The following SESN3 variants were observed in gnomAD, a reference collection of about 807,000 sequenced individuals.
SESN3 encodes sestrin-3.
A neutral mutation model predicts 55.3 loss-of-function variants in SESN3; 21 were observed. The observed-to-expected ratio is 0.38, with a 90% CI of 0.27 to 0.55. The LOEUF is 0.55. SESN3 is among the 20% of genes least tolerant of loss of function. The pLI is 0.76. For missense variants in SESN3, 408 were observed against 604.3 expected (o/e 0.68, Z 3.41); for synonymous variants, 181 against 203.1 (o/e 0.89, Z 0.93).
chr11:95,208,056 C>T (rs1860583438), intron 1 of SESN3, among the ~76,000 whole-genome samples: 2 of 33,980 alleles, frequency 5.9e-5, no homozygotes, highest in Admixed American at 7.5e-4. Flanking sequence ...TATTTATTGT[C>T]AGGATTATGG....
At position 95,170,440 on chromosome 11, in the gene SESN3, C is replaced by T. The variant is rs1246419246; in HGVS notation, c.*2815G>A. The T allele has an allele frequency of 6.6e-6, 1 of 152,180 alleles. No homozygotes were observed. The highest frequency in any genetic ancestry group is 1.9e-4 in the East Asian group (1 of 5,196). The allele number at this position is 152,180 out of a possible 1,614,324, so 9.4% of individuals were successfully genotyped here. A position where few individuals can be genotyped will look rare whatever the true frequency, so the allele number is the denominator to read the frequency against. ...TTCACATGTGCTTTTCTCACGTACA[C>T]TTGCACATTTAAGTTTGGCACAATG... On this transcript the variant is annotated 3_prime_UTR_variant, in exon 10 of 10. Transcript: ENST00000536441.
At chr11:95,225,945 G>A (rs752541519) in intron 1 of SESN3, among the ~76,000 whole-genome samples, 17 of 151,326 alleles carry the variant, frequency 1.1e-4, no homozygotes, top group African/African-American at 2.4e-4. Context: ...TTAATTATTC[G>A]AGAATCAAAA....
chr11:95,172,342 A>G lies in SESN3; in HGVS notation c.*913T>C, dbSNP rs554891785. 6.6e-6 allele frequency: 1 copy of G among 152,312 alleles called. No individual in the cohort carries two copies. Among genetic ancestry groups the G allele is most frequent in the South Asian group, 2.1e-4 (1 of 4,826 alleles). 9.4% of individuals were successfully genotyped at this position (152,312 alleles called of 1,614,324 possible). On this transcript the variant is annotated 3_prime_UTR_variant, in exon 10 of 10. Transcript: ENST00000536441. ...GAAATATAGAAAAAAACTATGAGAA[A>G]GGAAAAATGTGCAAAGAAAATTTTT...
intron 4 of SESN3, among the ~76,000 whole-genome samples, chr11:95,186,892 C>A (rs1860178245): frequency 6.6e-6 from 1 of 151,724 alleles, no homozygotes; most frequent in Admixed American, 6.6e-5. Context: ...AACCTTGTAG[C>A]CACAAAATAT....
chr11:95,196,457 ATT>A (rs143884275), intron 1 of SESN3, among the ~76,000 whole-genome samples: 8 of 146,762 alleles, frequency 5.5e-5, no homozygotes, highest in Non-Finnish European at 1.2e-4. Flanking sequence ...CAAAAGATTG[ATT>A]TTTTTTTTTT....
At chr11:95,196,445 T>G (rs1014383112) in intron 1 of SESN3, among the ~76,000 whole-genome samples, 5 of 152,046 alleles carry the variant, frequency 3.3e-5, no homozygotes, top group African/African-American at 9.7e-5. Context: ...TAGTACTATA[T>G]CCAAAAGATT....
intron 2 of SESN3, among the ~76,000 whole-genome samples, chr11:95,192,948 A>G (rs1045034864): frequency 1.0e-4 from 14 of 136,814 alleles, no homozygotes; most frequent in Non-Finnish European, 1.9e-4. Flanking sequence ...ATATGATGCA[A>G]TAGATCCTAA....
intron 1 of SESN3, among the ~76,000 whole-genome samples, chr11:95,221,279 GGGTGA>G (rs1474330520): frequency 7.0e-4 from 106 of 152,162 alleles, no homozygotes; most frequent in African/African-American, 2.2e-3. Context: ...ACTCCAGCCT[GGGTGA>G]CAGAGTGAGA....
At position 95,167,416 on chromosome 11, in the gene SESN3, C is replaced by G. The variant is rs191286617; in HGVS notation, c.*5839G>C. 6.6e-6 allele frequency: 1 copy of G among 151,886 alleles called. No homozygotes were observed. The highest frequency in any genetic ancestry group is 1.5e-5 in the Non-Finnish European group (1 of 68,016). 9.4% of individuals were successfully genotyped at this position (151,886 alleles called of 1,614,324 possible). On this transcript the variant is annotated 3_prime_UTR_variant, in exon 10 of 10. Coordinates refer to ENST00000536441, the MANE Select transcript of SESN3 (RefSeq NM_144665.4). Reference sequence around the variant, plus strand: ...AGGCTATTTTGTGGTATGCCCTGCACGATCTCAAAGATTTCCACAAGCATT... The same window carrying G: ...AGGCTATTTTGTGGTATGCCCTGCAGGATCTCAAAGATTTCCACAAGCATT...
In SESN3 at chr11:95,184,449, C is replaced by G. The variant is rs1860125312; in HGVS notation, c.908G>C (p.Gly303Ala). Residue 303 changes from glycine (G) to alanine (A), a missense_variant, in exon 6 of 10, where the codon GGA becomes GCA. Physicochemically the swap from Gly to Ala is moderately conservative, Grantham distance 60 (BLOSUM62 0). Transcript: ENST00000536441. Reference protein sequence around the residue: ...EKKESLFVVSGDTFHSFPHSD... With the variant: ...EKKESLFVVSADTFHSFPHSD... ...ATGAGGAAATGAATGAAAAGTATCTCCAGAGACCACAAAAAGACTTTCTTT... is the reference window on the plus strand; with the variant it reads ...ATGAGGAAATGAATGAAAAGTATCTGCAGAGACCACAAAAAGACTTTCTTT... The G allele has an allele frequency of 6.2e-7, 1 of 1,613,462 alleles. No homozygotes were observed. Among genetic ancestry groups the G allele is most frequent in the African/African-American group, 1.3e-5 (1 of 74,868 alleles).
At chr11:95,232,292 G>A (rs1218465325), upstream of SESN3, 1 of 152,290 alleles carries the variant, frequency 6.6e-6, no homozygotes. Context: ...GTCTCCCGAA[G>A]GGGCTAGCAA....
intron 1 of SESN3, among the ~76,000 whole-genome samples, chr11:95,210,800 A>G (rs10501822): frequency 0.028 from 4,298 of 152,320 alleles, 194 homozygotes; most frequent in East Asian, 0.21. Flanking sequence ...TTAATTTGAC[A>G]AAGTTCACAG....
rs1278899518 is a variant in SESN3 at position 95,171,713 on chromosome 11, G to A, written c.*1542C>T. ...AGTTTTCAAAAATTAGCATGTATGT[G>A]TACAATTCAAGTCACCCTTAACTAA... On this transcript the variant is annotated 3_prime_UTR_variant, in exon 10 of 10. Coordinates refer to ENST00000536441, the MANE Select transcript of SESN3 (RefSeq NM_144665.4). 6.6e-6 allele frequency: 1 copy of A among 152,130 alleles called. No individual in the cohort carries two copies. Among genetic ancestry groups the A allele is most frequent in the Admixed American group, 6.5e-5 (1 of 15,276 alleles). 9.4% of individuals were successfully genotyped at this position (152,130 alleles called of 1,614,324 possible).
intron 1 of SESN3, among the ~76,000 whole-genome samples, chr11:95,221,051 C>G (rs1478039361): frequency 6.6e-6 from 1 of 152,098 alleles, no homozygotes; most frequent in African/African-American, 2.4e-5. Context: ...GCCTTTAATC[C>G]TAGCACTTTG....
intron 1 of SESN3, among the ~76,000 whole-genome samples, chr11:95,207,670 T>C (rs914314319): frequency 1.3e-5 from 2 of 151,604 alleles, no homozygotes; most frequent in African/African-American, 4.8e-5. Flanking sequence ...TGATACGTTC[T>C]GGATTTTTGG....
intron 1 of SESN3, among the ~76,000 whole-genome samples, chr11:95,218,261 C>T (rs1419236773): frequency 6.6e-6 from 1 of 152,202 alleles, no homozygotes; most frequent in Non-Finnish European, 1.5e-5. Context: ...CAGCCCTTTA[C>T]AGAAAGTTTA....
At position 95,173,046 on chromosome 11, in the gene SESN3, T is replaced by G. The variant is rs1859881496; in HGVS notation, c.*209A>C. The G allele has an allele frequency of 8.9e-6, 4 of 450,146 alleles. No individual in the cohort carries two copies. The highest frequency in any genetic ancestry group is 1.6e-5 in the Non-Finnish European group (4 of 246,816). The allele number at this position is 450,146 out of a possible 1,614,324, so 27.9% of individuals were successfully genotyped here. ...GCAAAGTAGTGCTCCTCAGTATTAT[T>G]TTTGCAATTGTTAGTAATGTTAAGC... On this transcript the variant is annotated 3_prime_UTR_variant, in exon 10 of 10. Coordinates refer to ENST00000536441, the MANE Select transcript of SESN3 (RefSeq NM_144665.4).
intron 1 of SESN3, among the ~76,000 whole-genome samples, chr11:95,218,942 G>A (rs1449950361): frequency 1.3e-5 from 2 of 152,138 alleles, no homozygotes; most frequent in South Asian, 2.1e-4. Flanking sequence ...GTGAGCCGCC[G>A]CACCCGGCCA....
intron 1 of SESN3, chr11:95,204,178 C>T (rs1189844127): frequency 6.6e-6 from 1 of 152,064 alleles, no homozygotes; most frequent in Admixed American, 6.6e-5. Context: ...AGTGATAAAA[C>T]CTTCCCAATA....
Sources: gnomAD v4.1 joint callset for allele counts (sites outside exome capture counted in the v4.1 genomes callset) on GRCh38, gnomAD v4.1.1 for gene constraint, MANE v1.5 for transcripts, NCBI Gene and HGNC (gene_info 2026-07-23, HGNC 2026-07-21) for gene names.